Variants in INPP4B observed in about 807,000 individuals in gnomAD.
The protein encoded by INPP4B is inositol polyphosphate 4-phosphatase type II.
In INPP4B, 55 loss-of-function variants were observed where a neutral mutation model predicts 122.5. That is an observed-to-expected ratio of 0.45 (90% CI 0.36 to 0.56). The LOEUF is 0.56. Among genes scored for constraint, INPP4B ranks in the 20% least tolerant of loss-of-function variants. The probability of loss-of-function intolerance (pLI) is 0.00; values close to 1 mark genes in which losing one functional copy is unlikely to be tolerated. For synonymous variants in INPP4B, 403 were observed against 388.7 expected (o/e 1.04, Z -0.43); for missense variants, 1,000 against 1,097.7 (o/e 0.91, Z 1.26).
At chr4:142,137,310 G>A (rs1804978554) in intron 18 of INPP4B, among the ~76,000 whole-genome samples, 1 of 144,022 alleles carries the variant, frequency 6.9e-6, no homozygotes, top group Non-Finnish European at 1.5e-5. Flanking sequence ...AATAAATGGT[G>A]CTGGGAAAAC....
chr4:142,705,458 A>AACACACACACACACAC (rs56300337), intron 2 of INPP4B, among the ~76,000 whole-genome samples: 38 of 146,308 alleles, frequency 2.6e-4, no homozygotes, highest in African/African-American at 9.5e-4. Flanking sequence ...TCCCACCCCA[A>AACACACACACACACAC]ACACACACAC....
intron 1 of INPP4B, among the ~76,000 whole-genome samples, chr4:142,794,868 T>C (rs1777023988): frequency 6.6e-6 from 1 of 151,928 alleles, no homozygotes; most frequent in Non-Finnish European, 1.5e-5. Context: ...TGTAAATACA[T>C]TCATACACTG....
At chr4:142,709,224 A>T (rs1037138755) in intron 2 of INPP4B, among the ~76,000 whole-genome samples, 2 of 152,092 alleles carry the variant, frequency 1.3e-5, no homozygotes, top group Non-Finnish European at 2.9e-5. Flanking sequence ...ACTTGTTTTT[A>T]ATTTTACAGG....
intron 2 of INPP4B, among the ~76,000 whole-genome samples, chr4:142,636,810 T>C (rs900201896): frequency 2.6e-5 from 4 of 152,116 alleles, no homozygotes; most frequent in Non-Finnish European, 5.9e-5. Context: ...TGGTATTTCC[T>C]GAAAATATTA....
intron 1 of INPP4B, among the ~76,000 whole-genome samples, chr4:142,810,197 A>T (rs1005033902): frequency 4.6e-5 from 7 of 151,818 alleles, no homozygotes; most frequent in Non-Finnish European, 1.0e-4. Flanking sequence ...TCAAATTGTA[A>T]AGCAATGTGA....
At chr4:142,030,759 A>G (rs1482219757) in intron 25 of INPP4B, among the ~76,000 whole-genome samples, 2 of 152,192 alleles carry the variant, frequency 1.3e-5, no homozygotes, top group Non-Finnish European at 2.9e-5. Context: ...CATACTCTCT[A>G]CTGGCATTGC....
At chr4:142,352,458 G>A (rs1407091374) in intron 7 of INPP4B, among the ~76,000 whole-genome samples, 1 of 151,492 alleles carries the variant, frequency 6.6e-6, no homozygotes, top group Non-Finnish European at 1.5e-5. Flanking sequence ...TGTATGATGT[G>A]AAAATGATAT....
intron 7 of INPP4B, among the ~76,000 whole-genome samples, chr4:142,323,674 T>C (rs1011967785): frequency 6.6e-6 from 1 of 152,050 alleles, no homozygotes; most frequent in Non-Finnish European, 1.5e-5. Context: ...CTCAATCTCC[T>C]GACCTTGTGA....
chr4:142,119,908 G>GTA (rs1455200089), intron 21 of INPP4B, among the ~76,000 whole-genome samples: 40 of 149,538 alleles, frequency 2.7e-4, no homozygotes, highest in Non-Finnish European at 3.6e-4. Context: ...GTATATATAT[G>GTA]TATATATATA....
At chr4:142,686,896 T>A (rs1759423436) in intron 2 of INPP4B, among the ~76,000 whole-genome samples, 1 of 151,904 alleles carries the variant, frequency 6.6e-6, no homozygotes, top group African/African-American at 2.4e-5. Flanking sequence ...AAACAGAAAA[T>A]GTTCATTTCA....
chr4:142,828,042 G>A (rs1581008754), intron 1 of INPP4B, among the ~76,000 whole-genome samples: 1 of 152,016 alleles, frequency 6.6e-6, no homozygotes, highest in African/African-American at 2.4e-5. Flanking sequence ...AAGAAAAAGG[G>A]TGAATAAATG....
At chr4:142,557,682 A>C (rs1729511766) in intron 2 of INPP4B, among the ~76,000 whole-genome samples, 1 of 152,220 alleles carries the variant, frequency 6.6e-6, no homozygotes, top group Non-Finnish European at 1.5e-5. Context: ...AGATATCTAA[A>C]AAATAGAAAA....
At chr4:142,154,373 G>A (rs540491309) in intron 17 of INPP4B, among the ~76,000 whole-genome samples, 1 of 152,210 alleles carries the variant, frequency 6.6e-6, no homozygotes, top group East Asian at 1.9e-4. Context: ...GGCTTCTGAA[G>A]GCCTTCATTA....
chr4:142,224,073 A>T (rs933838128), intron 12 of INPP4B, among the ~76,000 whole-genome samples: 4 of 152,288 alleles, frequency 2.6e-5, no homozygotes, highest in African/African-American at 9.6e-5. Flanking sequence ...GACATCCCAA[A>T]ATGCACGTGC....
chr4:142,238,857 G>T (rs1446058813), intron 11 of INPP4B, among the ~76,000 whole-genome samples: 1 of 152,074 alleles, frequency 6.6e-6, no homozygotes, highest in Non-Finnish European at 1.5e-5. Flanking sequence ...CATTTCCATT[G>T]CTCTTCAGCA....
intron 17 of INPP4B, among the ~76,000 whole-genome samples, chr4:142,151,305 CCACACATCAACACACA>C (rs1186754058): frequency 1.3e-5 from 2 of 152,058 alleles, no homozygotes; most frequent in African/African-American, 4.8e-5. Context: ...ATATCAACAT[CCACACATCAACACACA>C]CACACATTCA....
At chr4:142,192,629 A>G (rs1497142) in intron 15 of INPP4B, among the ~76,000 whole-genome samples, 122,897 of 152,084 alleles carry the variant, frequency 0.81, 52,387 homozygotes, top group East Asian at 0.96. Flanking sequence ...GAAACAGAAC[A>G]TAGAATTCTG....
At chr4:142,737,271 C>T (rs564249242) in intron 1 of INPP4B, among the ~76,000 whole-genome samples, 46 of 152,174 alleles carry the variant, frequency 3.0e-4, no homozygotes, top group African/African-American at 8.9e-4. Context: ...GAGATATAGA[C>T]CAATGGAACA....
At chr4:142,118,004 C>T (rs1020513370) in intron 21 of INPP4B, among the ~76,000 whole-genome samples, 2 of 152,098 alleles carry the variant, frequency 1.3e-5, no homozygotes, top group African/African-American at 4.8e-5. Flanking sequence ...CAATAACAGA[C>T]AAACAGAAAG....
Sources: gnomAD v4.1 joint callset for allele counts (sites outside exome capture counted in the v4.1 genomes callset) on GRCh38, gnomAD v4.1.1 for gene constraint, MANE v1.5 for transcripts, NCBI Gene and HGNC (gene_info 2026-07-23, HGNC 2026-07-21) for gene names.